DYNC2H1: variants seen among roughly 807,000 people sequenced by gnomAD.
DYNC2H1 encodes the protein dynein cytoplasmic 2 heavy chain 1, also known as cytoplasmic dynein 2 heavy chain 1.
In DYNC2H1, 410 loss-of-function variants were observed where a neutral mutation model predicts 570.0. The ratio of observed to expected loss-of-function variants is 0.72; its 90% CI spans 0.66 to 0.78. The LOEUF is 0.78. DYNC2H1 is among the 30% of genes least tolerant of loss of function. The pLI, the probability that DYNC2H1 is intolerant of heterozygous loss-of-function variation, is 0.00. For missense variants in DYNC2H1, 4,865 were observed against 5,046.4 expected (o/e 0.96, Z 1.09); for synonymous variants, 1,688 against 1,677.6 (o/e 1.01, Z -0.15).
At position 103,268,573 on chromosome 11, in the gene DYNC2H1, A is replaced by T. The variant is rs1252669701; in HGVS notation, c.10695+8596A>T. ...AGCCTACGAAGTTTCGTTATTGGTC[A>T]GTCTTGTAATAATGTGTTTAATGGT... is the stretch of plus-strand genomic sequence containing the variant. On this transcript the variant is annotated intron_variant, in intron 70 of 88. Transcript: ENST00000375735. This position sits in a 1 kb window ranked among gnomAD's most constrained non-coding sequence, Gnocchi z 4.6. Among the ~76,000 whole-genome samples, 1 of 151,948 alleles carries T rather than the reference A, an allele frequency of 6.6e-6. No individual in the cohort carries two copies.
intron 37 of DYNC2H1, 86 bp downstream of exon 37, chr11:103,176,520 T>G (rs1207012520): frequency 2.8e-6 from 3 of 1,067,764 alleles, no homozygotes; most frequent in African/African-American, 3.3e-5. Flanking sequence ...ATCTTTCAAC[T>G]TATCTTTTAT....
At chr11:103,416,440 A>C (rs1281312052) in intron 84 of DYNC2H1, among the ~76,000 whole-genome samples, 1 of 152,222 alleles carries the variant, frequency 6.6e-6, no homozygotes, top group Non-Finnish European at 1.5e-5. Context: ...CTATACTACA[A>C]GGCTACAGTA....
rs771911561 is a variant in DYNC2H1, at chr11:103,154,683, G to A, written c.3459-12G>A. Reference sequence around the variant, plus strand: ...GATGTAATCTTTGCAATGTGTTTTTGGTATTTTATAGGACTAAGACATACC... The same window carrying A: ...GATGTAATCTTTGCAATGTGTTTTTAGTATTTTATAGGACTAAGACATACC... On this transcript the variant is annotated splice_polypyrimidine_tract_variant and intron_variant, in intron 23 of 88. Transcript: ENST00000375735. 2 of 1,564,184 alleles carry A rather than the reference G, an allele frequency of 1.3e-6. No homozygotes were observed. Among genetic ancestry groups the A allele is most frequent in the African/African-American group, 2.7e-5 (2 of 73,338 alleles).
At chr11:103,304,572 T>G in intron 76 of DYNC2H1, 23 bp from the exon 77 acceptor site, 5 of 1,604,524 alleles carry the variant, frequency 3.1e-6, no homozygotes, top group Non-Finnish European at 4.3e-6. Context: ...TTTTAAATTT[T>G]GTTTGTTTTT....
intron 53 of DYNC2H1, among the ~76,000 whole-genome samples, chr11:103,211,103 A>G (rs1333836611): frequency 1.3e-5 from 2 of 152,026 alleles, no homozygotes; most frequent in African/African-American, 4.8e-5. Flanking sequence ...AGTAATAATA[A>G]TGGAGGAAGG....
chr11:103,168,400 T>A (rs1466481629), intron 31 of DYNC2H1, among the ~76,000 whole-genome samples: 3 of 152,210 alleles, frequency 2.0e-5, no homozygotes, highest in Admixed American at 1.3e-4. Flanking sequence ...TCAACCTGCC[T>A]GCTACTCTTT....
intron 84 of DYNC2H1, among the ~76,000 whole-genome samples, chr11:103,416,747 C>T (rs901208971): frequency 6.6e-6 from 1 of 152,010 alleles, no homozygotes; most frequent in Non-Finnish European, 1.5e-5. Flanking sequence ...CAGACTAAAA[C>T]ACCAAAAGCA....
intron 2 of DYNC2H1, 21 bp from the exon 3 acceptor site, chr11:103,114,082 C>T (rs1858250465): frequency 1.2e-6 from 2 of 1,604,528 alleles, no homozygotes; most frequent in Admixed American, 1.7e-5. Context: ...ATCTTGGTTG[C>T]TCTTGTCTGT....
In DYNC2H1 at chr11:103,177,721, C is replaced by A; in HGVS notation, c.6040C>A (p.Pro2014Thr). Residue 2014 changes from proline (P) to threonine (T), a missense_variant, in exon 38 of 89, where the codon CCT becomes ACT. Coordinates refer to ENST00000375735, the MANE Select transcript of DYNC2H1 (RefSeq NM_001377.3). This position sits in a 1 kb window ranked among gnomAD's most constrained non-coding sequence, Gnocchi z 4.4. ...KQYTMNPKAM[P>T]RYQLLGHIDM... is the part of the protein sequence containing the mutation. ...ATATACTATGAATCCCAAAGCTATG[C>A]CTCGATATCAATTATTAGGCCATAT... 1 of 1,613,404 alleles carries A rather than the reference C, an allele frequency of 6.2e-7. No homozygotes were observed. The highest frequency in any genetic ancestry group is 8.5e-7 in the Non-Finnish European group (1 of 1,179,674).
In DYNC2H1 at chr11:103,152,227, C is replaced by T. The variant is rs760440099; in HGVS notation, c.3038C>T (p.Ala1013Val). Residue 1013 changes from alanine (A) to valine (V), a missense_variant, in exon 21 of 89, where the codon GCC becomes GTC. Ala to Val is a moderately conservative substitution (Grantham distance 64, BLOSUM62 0). Transcript: ENST00000375735. ...GGLETISNLK[A>V]KWDKFELMME... is the part of the protein sequence containing the mutation. ...TTAGAAACAATTAGTAATTTGAAAG[C>T]CAAGTGGGATAAATTTGAGTTAATG... 1.9e-6 allele frequency: 3 copies of T among 1,606,310 alleles called. No individual in the cohort carries two copies. Among genetic ancestry groups the T allele is most frequent in the Non-Finnish European group, 1.7e-6 (2 of 1,177,216 alleles).
intron 84 of DYNC2H1, among the ~76,000 whole-genome samples, chr11:103,422,907 G>T (rs1364587244): frequency 6.6e-6 from 1 of 152,110 alleles, no homozygotes; most frequent in African/African-American, 2.4e-5. Flanking sequence ...GTTTTTGTTT[G>T]CAGATGACAT....
At chr11:103,474,620 T>A (rs978639820) in intron 88 of DYNC2H1, among the ~76,000 whole-genome samples, 12 of 152,304 alleles carry the variant, frequency 7.9e-5, no homozygotes, top group African/African-American at 2.9e-4. Flanking sequence ...AATAAATGAA[T>A]ATAGTACAAT....
chr11:103,280,400 T>C lies in DYNC2H1; in HGVS notation c.10748T>C (p.Leu3583Pro). ...LHFVRGMHPE[L>P]FQENEWDTFT... Reference sequence around the variant, plus strand: ...TTTGTTCGAGGCATGCATCCTGAACTTTTTCAAGAAAATGTAAGTCAAATT... The same window carrying C: ...TTTGTTCGAGGCATGCATCCTGAACCTTTTCAAGAAAATGTAAGTCAAATT... Residue 3583 changes from leucine (L) to proline (P), a missense_variant, in exon 71 of 89, where the codon CTT becomes CCT. Physicochemically the swap from Leu to Pro is moderately conservative, Grantham distance 98 (BLOSUM62 -3). Around this residue, in one of 5 missense-constraint regions of DYNC2H1, gnomAD observed 2,401 missense variants for 2,454.6 expected, o/e 0.98. Transcript: ENST00000375735. This position sits in a 1 kb window ranked among gnomAD's most constrained non-coding sequence, Gnocchi z 4.7. 1 of 1,554,252 alleles carries C rather than the reference T, an allele frequency of 6.4e-7. No individual in the cohort carries two copies. Among genetic ancestry groups the C allele is most frequent in the Non-Finnish European group, 8.7e-7 (1 of 1,147,724 alleles).
At chr11:103,132,712 G>A (rs1190317893) in intron 13 of DYNC2H1, among the ~76,000 whole-genome samples, 1 of 151,872 alleles carries the variant, frequency 6.6e-6, no homozygotes, top group African/African-American at 2.4e-5. Context: ...TACCAAAGTG[G>A]AGCATTTGTA....
At chr11:103,386,967 G>T (rs1025739665) in intron 83 of DYNC2H1, among the ~76,000 whole-genome samples, 2 of 151,664 alleles carry the variant, frequency 1.3e-5, no homozygotes, top group African/African-American at 4.8e-5. Flanking sequence ...ACATACGTGT[G>T]CATGTGTCTT....
In DYNC2H1 at chr11:103,264,258, C is replaced by T. The variant is rs546174468; in HGVS notation, c.10695+4281C>T. Among the ~76,000 whole-genome samples the T allele has an allele frequency of 1.3e-5, 2 of 152,190 alleles. No individual in the cohort carries two copies. The highest frequency in any genetic ancestry group is 1.3e-4 in the Admixed American group (2 of 15,298). ...AGCCCAGGGTCAGATGGATTCACAG[C>T]CAAATTCTACCAGAGGTACAAAGAG... On this transcript the variant is annotated intron_variant, in intron 70 of 88. Coordinates refer to ENST00000375735, the MANE Select transcript of DYNC2H1 (RefSeq NM_001377.3). The surrounding 1 kb of genome is among the most constrained non-coding windows in gnomAD (Gnocchi z 4.8).
chr11:103,397,828 G>A (rs144294352), intron 83 of DYNC2H1, among the ~76,000 whole-genome samples: 4 of 152,308 alleles, frequency 2.6e-5, no homozygotes, highest in East Asian at 3.9e-4. Flanking sequence ...CCAGGAGGTC[G>A]AGGCTGCAGT....
intron 83 of DYNC2H1, among the ~76,000 whole-genome samples, chr11:103,392,167 C>T (rs1057448615): frequency 1.3e-5 from 2 of 152,220 alleles, no homozygotes; most frequent in Non-Finnish European, 2.9e-5. Flanking sequence ...GCTTCCCGGC[C>T]ACTTTGTTTA....
chr11:103,156,891 T>G (rs1435891860), intron 26 of DYNC2H1, 121 bp downstream of exon 26: 1 of 1,264,808 alleles, frequency 7.9e-7, no homozygotes, highest in African/African-American at 1.5e-5. Context: ...TGTATTCAAA[T>G]TCTTTCCTAG....
Sources: allele counts gnomAD v4.1 joint callset (sites outside exome capture counted in the v4.1 genomes callset), GRCh38; gene constraint gnomAD v4.1.1; regional missense constraint gnomAD v4.1.1; non-coding constraint Gnocchi (gnomAD v3.1); transcripts MANE v1.5; gene names NCBI Gene and HGNC (gene_info 2026-07-23, HGNC 2026-07-21).